Variants in PLCE1 observed in about 807,000 individuals in gnomAD.
PLCE1 encodes phospholipase C epsilon 1.
A neutral mutation model predicts 242.8 loss-of-function variants in PLCE1; 119 were observed. That is an observed-to-expected ratio of 0.49 (90% CI 0.42 to 0.57). The LOEUF is 0.57. Ranked by LOEUF, PLCE1 falls within the 20% of genes least tolerant of loss-of-function variation. The pLI, the probability that PLCE1 is intolerant of heterozygous loss-of-function variation, is 0.00. For synonymous variants in PLCE1, 945 were observed against 1,017.4 expected, an observed-to-expected ratio of 0.93 and a Z score of 1.35; for missense variants, 2,441 against 2,788.8, an observed-to-expected ratio of 0.88 and a Z score of 2.81.
Position 94,328,093 on chromosome 10 carries a change from T to C in PLCE1, c.*150T>C. 1 of 429,612 alleles carries C rather than the reference T, an allele frequency of 2.3e-6. No homozygotes were observed. Among genetic ancestry groups the C allele is most frequent in the Admixed American group, 2.7e-5 (1 of 37,684 alleles). The allele number at this position is 429,612 out of a possible 1,614,324, so 26.6% of individuals were successfully genotyped here. ...GCCTTCACACATGTGAGATCCATGC[T>C]GAGGAGAAGCAAAATGGCACAGGGC... On this transcript the variant is annotated 3_prime_UTR_variant, in exon 33 of 33. Coordinates refer to ENST00000371380, the MANE Select transcript of PLCE1 (RefSeq NM_016341.4).
chr10:94,052,676 A>G (rs984006589), intron 2 of PLCE1, among the ~76,000 whole-genome samples: 3 of 152,110 alleles, frequency 2.0e-5, no homozygotes, highest in African/African-American at 7.2e-5. Flanking sequence ...GAAAAAAGGA[A>G]TGAGGAAAGT....
chr10:94,167,950 G>C (rs1357721748), intron 3 of PLCE1, among the ~76,000 whole-genome samples: 8 of 152,044 alleles, frequency 5.3e-5, no homozygotes, highest in Non-Finnish European at 1.2e-4. Flanking sequence ...GCCTCCCAAA[G>C]TGCTGGAATT....
intron 28 of PLCE1, among the ~76,000 whole-genome samples, chr10:94,314,462 C>T (rs367656868): frequency 3.9e-5 from 6 of 152,034 alleles, no homozygotes; most frequent in East Asian, 1.9e-4. Context: ...GGTGTGGTGG[C>T]GCACATCTGT....
intron 4 of PLCE1, among the ~76,000 whole-genome samples, chr10:94,204,748 G>GAGGA (rs573954218): frequency 0.12 from 14,291 of 122,024 alleles, 1,133 homozygotes; most frequent in Admixed American, 0.19. Context: ...AGAAGGGAGG[G>GAGGA]AGGAAGGAAG....
At position 94,032,211 on chromosome 10, in the gene PLCE1, C is replaced by A; in HGVS notation, c.1165C>A (p.Gln389Lys). 1 of 1,613,152 alleles carries A rather than the reference C, an allele frequency of 6.2e-7. No homozygotes were observed. The highest frequency in any genetic ancestry group is 8.5e-7 in the Non-Finnish European group (1 of 1,179,524). ...ACCCCCGTCAACAGTGGAGATAAGG[C>A]AAGATGGGAGCCAACGTCTGTCAGA... ...MEPPSTVEIR[Q>K]DGSQRLSEAQ... The change falls in exon 2 of 33, where the codon CAA becomes AAA. Residue 389 changes from glutamine (Q) to lysine (K), a missense_variant. Around this residue, in one of 5 missense-constraint regions of PLCE1, gnomAD observed 733 missense variants for 754.2 expected, o/e 0.97. Coordinates refer to ENST00000371380, the MANE Select transcript of PLCE1 (RefSeq NM_016341.4).
intron 1 of PLCE1, among the ~76,000 whole-genome samples, chr10:94,013,373 GT>G (rs1284278306): frequency 6.6e-6 from 1 of 152,114 alleles, no homozygotes; most frequent in Non-Finnish European, 1.5e-5. Context: ...GGCACTCAGG[GT>G]TTTGTGAACT....
chr10:94,042,803 A>C (rs2061794347), intron 2 of PLCE1, among the ~76,000 whole-genome samples: 1 of 152,206 alleles, frequency 6.6e-6, no homozygotes, highest in South Asian at 2.1e-4. Flanking sequence ...TACAGTTAAG[A>C]AGTTTTATAA....
chr10:94,301,775 T>G (rs953303243), intron 24 of PLCE1, among the ~76,000 whole-genome samples: 6 of 152,228 alleles, frequency 3.9e-5, no homozygotes, highest in Non-Finnish European at 7.3e-5. Flanking sequence ...CAACAGACCC[T>G]CTAAGTTCTT....
At chr10:94,040,666 T>C (rs2061748815) in intron 2 of PLCE1, among the ~76,000 whole-genome samples, 1 of 152,214 alleles carries the variant, frequency 6.6e-6, no homozygotes, top group African/African-American at 2.4e-5. Context: ...TGTCCCACTC[T>C]AGTCCTAGCC....
At chr10:94,109,612 G>A (rs2045880789) in intron 2 of PLCE1, among the ~76,000 whole-genome samples, 8 of 152,042 alleles carry the variant, frequency 5.3e-5, no homozygotes, top group Admixed American at 5.2e-4. Context: ...TGTCTCAAAG[G>A]AGAAAATATG....
intron 3 of PLCE1, among the ~76,000 whole-genome samples, chr10:94,163,643 T>C (rs2047693478): frequency 6.6e-6 from 1 of 152,146 alleles, no homozygotes; most frequent in Non-Finnish European, 1.5e-5. Context: ...ATTGGAGCAT[T>C]TAGCCCATTT....
intron 30 of PLCE1, among the ~76,000 whole-genome samples, 180 bp from the exon 31 acceptor site, chr10:94,324,169 G>A (rs913322460): frequency 2.0e-5 from 3 of 152,184 alleles, no homozygotes; most frequent in Non-Finnish European, 4.4e-5. Context: ...ATGAGGTAAC[G>A]TGGGAAATTA....
At chr10:94,029,206 A>C (rs2061508465) in intron 1 of PLCE1, among the ~76,000 whole-genome samples, 1 of 152,154 alleles carries the variant, frequency 6.6e-6, no homozygotes, top group Non-Finnish European at 1.5e-5. Context: ...CCTCCTTTGA[A>C]TTGCTTACCT....
intron 3 of PLCE1, among the ~76,000 whole-genome samples, chr10:94,160,239 TG>T (rs1246937875): frequency 1.3e-5 from 2 of 152,272 alleles, no homozygotes; most frequent in Non-Finnish European, 2.9e-5. Context: ...CCACCAACAG[TG>T]TAAAAGTGTT....
At chr10:94,060,037 G>A (rs542892619) in intron 2 of PLCE1, among the ~76,000 whole-genome samples, 1 of 152,288 alleles carries the variant, frequency 6.6e-6, no homozygotes, top group South Asian at 2.1e-4. Context: ...TAAAAAGGCA[G>A]CAGAAAACAA....
At chr10:94,069,581 C>T (rs1190249735) in intron 2 of PLCE1, among the ~76,000 whole-genome samples, 1 of 152,120 alleles carries the variant, frequency 6.6e-6, no homozygotes, top group Non-Finnish European at 1.5e-5. Flanking sequence ...CCACTGCACT[C>T]CAGCCTGGGC....
At chr10:94,145,658 T>C (rs1037105703) in intron 3 of PLCE1, among the ~76,000 whole-genome samples, 4 of 152,098 alleles carry the variant, frequency 2.6e-5, no homozygotes, top group African/African-American at 4.8e-5. Context: ...ACCAGCTCTT[T>C]ACCACACACC....
At position 94,132,426 on chromosome 10, in the gene PLCE1, T is replaced by C. The variant is rs1489004720; in HGVS notation, c.1459T>C (p.Phe487Leu). ...LGARSGLLSTFGGSTGRMMLK... is the reference protein window; with the variant it reads ...LGARSGLLSTLGGSTGRMMLK... ...AGCAAGAAGTGGCCTTCTCAGTACT[T>C]TTGGAGGATCCACTGGACGAATGAT... The change falls in exon 3 of 33, where the codon TTT becomes CTT. Residue 487 changes from phenylalanine (F) to leucine (L), a missense_variant. Phe to Leu is a conservative substitution (Grantham distance 22). Transcript: ENST00000371380. 1 of 1,614,120 alleles carries C rather than the reference T, an allele frequency of 6.2e-7. No individual in the cohort carries two copies. The highest frequency in any genetic ancestry group is 1.7e-5 in the Admixed American group (1 of 60,016).
At chr10:94,208,825 T>C (rs553554060) in intron 4 of PLCE1, among the ~76,000 whole-genome samples, 3 of 152,352 alleles carry the variant, frequency 2.0e-5, no homozygotes, top group African/African-American at 7.2e-5. Flanking sequence ...TGTTGACATA[T>C]GCATAAGTGA....
Sources: allele counts gnomAD v4.1 joint callset (sites outside exome capture counted in the v4.1 genomes callset), GRCh38; gene constraint gnomAD v4.1.1; regional missense constraint gnomAD v4.1.1; transcripts MANE v1.5; gene names NCBI Gene and HGNC (gene_info 2026-07-23, HGNC 2026-07-21).